CEP68: variants seen among roughly 807,000 people sequenced by gnomAD.
CEP68 encodes centrosomal protein of 68 kDa.
In CEP68, 26 loss-of-function variants were observed where a neutral mutation model predicts 55.3. That is an observed-to-expected ratio of 0.47 (90% CI 0.34 to 0.65). CEP68 has a LOEUF of 0.65. CEP68 is among the 30% of genes least tolerant of loss of function. CEP68 has a pLI of 0.01. For synonymous variants in CEP68, 402 were observed against 383.2 expected, an observed-to-expected ratio of 1.05 and a Z score of -0.57; for missense variants, 957 against 946.7, an observed-to-expected ratio of 1.01 and a Z score of -0.14.
In CEP68 at chr2:65,072,748, C is replaced by G; in HGVS notation, c.1652C>G (p.Pro551Arg). Residue 551 changes from proline to arginine, a missense_variant, in exon 3 of 7, where the codon CCT becomes CGT. Coordinates refer to ENST00000377990, the MANE Select transcript of CEP68 (RefSeq NM_015147.3). The stretch of plus-strand genomic sequence containing the variant: ...GCTGCCCTCCAAGGATCTGGGGATC[C>G]TGAGGGCCAGAATCCCTGTTTCCTG... ...PGAALQGSGDPEGQNPCFLRS... is the reference protein window; with the variant it reads ...PGAALQGSGDREGQNPCFLRS... 1.9e-6 allele frequency: 3 copies of G among 1,614,138 alleles called. No individual in the cohort carries two copies. Among genetic ancestry groups the G allele is most frequent in the Non-Finnish European group, 2.5e-6 (3 of 1,180,012 alleles).
chr2:65,071,439 C>G lies in CEP68; in HGVS notation c.358-15C>G, dbSNP rs1468823828. On this transcript the variant is annotated splice_polypyrimidine_tract_variant and intron_variant, in intron 2 of 6. Transcript: ENST00000377990. The stretch of plus-strand genomic sequence containing the variant: ...ATTTTTACCCAAGTGCTTTTTGTCC[C>G]TTTGATCATTGCAGGTGGAGAAGAC... The G allele has an allele frequency of 1.2e-6, 2 of 1,605,202 alleles. No homozygotes were observed. The highest frequency in any genetic ancestry group is 1.7e-6 in the Non-Finnish European group (2 of 1,174,204).
chr2:65,067,632 T>G (rs1047659013), intron 1 of CEP68, among the ~76,000 whole-genome samples: 2 of 152,100 alleles, frequency 1.3e-5, no homozygotes, highest in African/African-American at 4.8e-5. Flanking sequence ...CAGCCAACAC[T>G]TAGTGTCCAT....
intron 6 of CEP68, 55 bp downstream of exon 6, chr2:65,082,764 G>C (rs1668893484): frequency 7.1e-7 from 1 of 1,404,504 alleles, no homozygotes; most frequent in South Asian, 1.5e-5. Context: ...TGTAACAGTT[G>C]GCCACTACTT....
intron 1 of CEP68, among the ~76,000 whole-genome samples, chr2:65,061,113 G>C (rs1286654078): frequency 6.6e-6 from 1 of 152,014 alleles, no homozygotes; most frequent in Non-Finnish European, 1.5e-5. Flanking sequence ...GGAGGTGGAG[G>C]TTGCAGTGAG....
chr2:65,063,324 A>G (rs772956878), intron 1 of CEP68, among the ~76,000 whole-genome samples: 2 of 152,194 alleles, frequency 1.3e-5, no homozygotes, highest in Non-Finnish European at 2.9e-5. Flanking sequence ...CTCAGAGGGT[A>G]AGGTTGAGTT....
intron 1 of CEP68, among the ~76,000 whole-genome samples, chr2:65,058,559 T>C (rs1675765349): frequency 7.9e-6 from 1 of 126,378 alleles, no homozygotes; most frequent in Non-Finnish European, 1.5e-5. Context: ...CAGGCTGGAG[T>C]GCAATGGCAC....
chr2:65,083,432 G>A (rs1324278894), intron 6 of CEP68, among the ~76,000 whole-genome samples: 2 of 152,204 alleles, frequency 1.3e-5, no homozygotes, highest in Non-Finnish European at 2.9e-5. Context: ...GTCGTACGTC[G>A]CTCCTACAAC....
At chr2:65,057,582 T>C (rs1336717435) in intron 1 of CEP68, among the ~76,000 whole-genome samples, 1 of 152,218 alleles carries the variant, frequency 6.6e-6, no homozygotes, top group Non-Finnish European at 1.5e-5. Context: ...GCCTCTGTTT[T>C]TACTCATCAC....
intron 5 of CEP68, chr2:65,080,367 C>T (rs1175985880): frequency 8.1e-6 from 8 of 985,094 alleles, no homozygotes; most frequent in South Asian, 9.4e-5. Flanking sequence ...CCCCTTGAGA[C>T]GTCAGTGTCT....
At chr2:65,077,771 G>A (rs2241158) in intron 4 of CEP68, 97 bp from the exon 5 acceptor site, 18,914 of 807,276 alleles carry the variant, frequency 0.023, 1,346 homozygotes, top group East Asian at 0.23. Context: ...CACATTAGAG[G>A]GGAATAAGGC....
chr2:65,059,152 C>T (rs752408541), intron 1 of CEP68, among the ~76,000 whole-genome samples: 1 of 152,172 alleles, frequency 6.6e-6, no homozygotes, highest in Non-Finnish European at 1.5e-5. Flanking sequence ...AAACTGTCTC[C>T]TATCTTTAAT....
chr2:65,078,334 C>T (rs2103794066), intron 5 of CEP68, among the ~76,000 whole-genome samples: 1 of 152,250 alleles, frequency 6.6e-6, no homozygotes, highest in East Asian at 1.9e-4. Context: ...CCCTTTGGTT[C>T]CCCACCTTAC....
chr2:65,074,773 C>CCT (rs1553386772), intron 4 of CEP68: 53 of 236,494 alleles, frequency 2.2e-4, no homozygotes, highest in African/African-American at 1.2e-3. Context: ...GACCCCCCCC[C>CCT]CTCAAAAAAA....
chr2:65,064,919 GTAA>G (rs1676090735), intron 1 of CEP68, among the ~76,000 whole-genome samples: 1 of 152,130 alleles, frequency 6.6e-6, no homozygotes, highest in Non-Finnish European at 1.5e-5. Flanking sequence ...ATGTGGCTCC[GTAA>G]GATCTCTGTC....
rs528203178 is a variant in CEP68 at position 65,057,714 on chromosome 2, C to G, written c.-47+1186C>G. On this transcript the variant is annotated intron_variant, in intron 1 of 6. Coordinates refer to ENST00000377990, the MANE Select transcript of CEP68 (RefSeq NM_015147.3). ...TAGTCTAAAGGTGACACAACAGAAA[C>G]ATTTATTTAACTTCTTGAGCGAGTT... Among the ~76,000 whole-genome samples, 5 of 152,302 alleles carry G rather than the reference C, an allele frequency of 3.3e-5. No individual in the cohort carries two copies. In the South Asian group the frequency reaches 1.0e-3, roughly 32 times the overall value.
intron 1 of CEP68, among the ~76,000 whole-genome samples, chr2:65,056,825 C>G (rs1459409703): frequency 6.6e-6 from 1 of 152,090 alleles, no homozygotes; most frequent in Non-Finnish European, 1.5e-5. Context: ...AATGCCCGGG[C>G]GCGGCGAGGG....
At chr2:65,057,019 C>A (rs1398370164) in intron 1 of CEP68, among the ~76,000 whole-genome samples, 1 of 88,170 alleles carries the variant, frequency 1.1e-5, no homozygotes, top group Non-Finnish European at 2.2e-5. Context: ...GTCTTCTTAT[C>A]GCCGCGCCCA....
chr2:65,072,981 G>A lies in CEP68; in HGVS notation c.1884+1G>A, dbSNP rs1304017886. On this transcript the variant is annotated splice_donor_variant, in intron 3 of 6. Transcript: ENST00000377990. LOFTEE classifies it high-confidence loss of function. ...AGAATCACTGGTGCAATGTGTGAAG[G>A]TAATGACACTCAACGTTAGGAAGCT... 1 of 1,614,056 alleles carries A rather than the reference G, an allele frequency of 6.2e-7. No individual in the cohort carries two copies. The highest frequency in any genetic ancestry group is 1.1e-5 in the South Asian group (1 of 91,090).
chr2:65,082,089 A>C (rs6546125), intron 5 of CEP68, among the ~76,000 whole-genome samples: 27,407 of 152,174 alleles, frequency 0.18, 2,795 homozygotes, highest in East Asian at 0.33. Flanking sequence ...ACCCATGTGA[A>C]ATAACATTCT....
Sources: allele counts gnomAD v4.1 joint callset (sites outside exome capture counted in the v4.1 genomes callset), GRCh38; gene constraint gnomAD v4.1.1; transcripts MANE v1.5; gene names NCBI Gene and HGNC (gene_info 2026-07-23, HGNC 2026-07-21).